BRMS1L: variants seen among roughly 807,000 people sequenced by gnomAD.
The protein encoded by BRMS1L is breast cancer metastasis-suppressor 1-like protein.
Under a neutral mutation model 50.3 loss-of-function variants are expected in BRMS1L, and 23 were observed. That is an observed-to-expected ratio of 0.46 (90% CI 0.33 to 0.65). The LOEUF is 0.65. Among genes scored for constraint, BRMS1L ranks in the 30% least tolerant of loss-of-function variants. The probability of loss-of-function intolerance (pLI) is 0.02; values close to 1 mark genes in which losing one functional copy is unlikely to be tolerated. For missense variants in BRMS1L, 286 were observed against 386.1 expected (o/e 0.74, Z 2.17); for synonymous variants, 114 against 126.9 (o/e 0.90, Z 0.69).
intron 4 of BRMS1L, among the ~76,000 whole-genome samples, chr14:35,850,442 T>C (rs113956942): frequency 0.031 from 4,630 of 150,646 alleles, 191 homozygotes; most frequent in African/African-American, 0.089. Context: ...CCGATCCACC[T>C]GCCTCAGCCT....
At chr14:35,833,178 T>C in intron 3 of BRMS1L, 73 bp downstream of exon 3, 1 of 1,452,186 alleles carries the variant, frequency 6.9e-7, no homozygotes, top group East Asian at 2.5e-5. Flanking sequence ...GTTTATCAAG[T>C]AAGTGTTTTA....
rs941906109 is a variant in BRMS1L, at chr14:35,858,086, A to G, written c.442-4504A>G. Among the ~76,000 whole-genome samples, 6 of 152,056 alleles carry G rather than the reference A, an allele frequency of 3.9e-5. 1 individual carries two copies. The highest frequency in any genetic ancestry group is 5.9e-5 in the Non-Finnish European group (4 of 68,024). On this transcript the variant is annotated intron_variant, in intron 4 of 9. Coordinates refer to ENST00000216807, the MANE Select transcript of BRMS1L (RefSeq NM_032352.4). ...TGAAGATTTAAACTCCTGTCCAGTAAAGGTCAAAACTGCTTCTCGTTTTAA... is the reference window on the plus strand; with the variant it reads ...TGAAGATTTAAACTCCTGTCCAGTAGAGGTCAAAACTGCTTCTCGTTTTAA...
At chr14:35,865,800 G>A in intron 8 of BRMS1L, 39 bp downstream of exon 8, 1 of 1,560,526 alleles carries the variant, frequency 6.4e-7, no homozygotes, top group Non-Finnish European at 8.7e-7. Flanking sequence ...ATTCTCTTTG[G>A]AGACTTGTTG....
rs766246839 is a variant in BRMS1L, at chr14:35,864,988, A to G, written c.676A>G (p.Thr226Ala). The G allele has an allele frequency of 1.3e-6, 2 of 1,575,524 alleles. No homozygotes were observed. Among genetic ancestry groups the G allele is most frequent in the Middle Eastern group, 1.7e-4 (1 of 5,968 alleles). The stretch of plus-strand genomic sequence containing the variant: ...TCTTGATATTCTTGAAGACTGGACA[A>G]CAATTAGGAAGGTATGATTAATGAG... ...QDLDILEDWT[T>A]IRKAMATLGP... Residue 226 changes from threonine to alanine, a missense_variant, in exon 7 of 10, where the codon ACA (threonine) becomes GCA (alanine). Thr to Ala is a moderately conservative substitution (Grantham distance 58). Transcript: ENST00000216807.
chr14:35,831,041 G>C (rs2077913504), intron 1 of BRMS1L, among the ~76,000 whole-genome samples: 1 of 150,800 alleles, frequency 6.6e-6, no homozygotes, highest in African/African-American at 2.4e-5. Flanking sequence ...CCTGGGCTCA[G>C]GCGATCCTCC....
chr14:35,828,203 C>T (rs1480949336), intron 1 of BRMS1L, among the ~76,000 whole-genome samples: 6 of 151,930 alleles, frequency 3.9e-5, no homozygotes, highest in African/African-American at 1.2e-4. Flanking sequence ...GATGGAGTCT[C>T]GCTCTGTTGC....
chr14:35,866,130 C>A (rs2078418013), intron 8 of BRMS1L: 1 of 176,538 alleles, frequency 5.7e-6, no homozygotes, highest in East Asian at 1.6e-4. Context: ...TCTGCATGTG[C>A]ATTTTCTGAG....
intron 9 of BRMS1L, among the ~76,000 whole-genome samples, chr14:35,869,662 A>G (rs1448233241): frequency 6.6e-6 from 1 of 152,104 alleles, no homozygotes; most frequent in Non-Finnish European, 1.5e-5. Context: ...CCTGGCCAAT[A>G]TTGTGAAACC....
At chr14:35,869,670 AC>A (rs1175755304) in intron 9 of BRMS1L, among the ~76,000 whole-genome samples, 1 of 151,880 alleles carries the variant, frequency 6.6e-6, no homozygotes, top group African/African-American at 2.4e-5. Flanking sequence ...ATATTGTGAA[AC>A]CCCGTCTCTA....
chr14:35,865,572 A>G, intron 7 of BRMS1L, 150 bp from the exon 8 acceptor site: 1 of 627,616 alleles, frequency 1.6e-6, no homozygotes, highest in South Asian at 2.1e-5. Flanking sequence ...CTTAGACATT[A>G]AAAATTTGTT....
In BRMS1L at chr14:35,869,373, C is replaced by G. The variant is rs959474994; in HGVS notation, c.855-987C>G. On this transcript the variant is annotated intron_variant, in intron 9 of 9. Coordinates refer to ENST00000216807, the MANE Select transcript of BRMS1L (RefSeq NM_032352.4). ...GTTTGAGACCAGCCCTAGCTGGTCT[C>G]TTTGTAGAGAACCCCATCTCTACAA... Among the ~76,000 whole-genome samples the G allele has an allele frequency of 2.6e-5, 4 of 151,968 alleles. No homozygotes were observed. The South Asian group carries it at 8.3e-4, about 32-fold the overall frequency.
chr14:35,836,413 C>T (rs2077994070), intron 4 of BRMS1L, among the ~76,000 whole-genome samples: 1 of 152,168 alleles, frequency 6.6e-6, no homozygotes, highest in Non-Finnish European at 1.5e-5. Context: ...GATCATGGCT[C>T]ACTGCAGCCT....
intron 4 of BRMS1L, among the ~76,000 whole-genome samples, chr14:35,857,934 G>T (rs1594342335): frequency 7.2e-6 from 1 of 138,756 alleles, no homozygotes; most frequent in South Asian, 2.3e-4. Context: ...AGCTAAACAT[G>T]TACAGTTGTA....
chr14:35,846,970 T>A (rs78498841), intron 4 of BRMS1L, among the ~76,000 whole-genome samples: 9,598 of 150,946 alleles, frequency 0.064, 644 homozygotes, highest in African/African-American at 0.16. Context: ...GCTGTTTTTT[T>A]AAAAAAAAAC....
At chr14:35,831,306 A>G in intron 1 of BRMS1L, 104 bp from the exon 2 acceptor site, 2 of 747,462 alleles carry the variant, frequency 2.7e-6, no homozygotes, top group Non-Finnish European at 2.3e-6. Context: ...TTCTCTTCAT[A>G]TTACAGTTTT....
At position 35,867,991 on chromosome 14, in the gene BRMS1L, A is replaced by T. The variant is rs2078442897; in HGVS notation, c.813A>T (p.Gly271=). 1.9e-6 allele frequency: 3 copies of T among 1,610,438 alleles called. No homozygotes were observed. The African/African-American group carries it at 4.0e-5, about 22-fold the overall frequency. The change falls in exon 9 of 10, where the codon GGA becomes GGT. Residue 271 remains glycine (G), a synonymous_variant. Transcript: ENST00000216807. Reference sequence around the variant, plus strand: ...ATGATGGTGAATGGTATATACGTGGACAAACAATATGTATTGATAAAAAAG... The same window carrying T: ...ATGATGGTGAATGGTATATACGTGGTCAAACAATATGTATTGATAAAAAAG... ...LYYDGEWYIR[G]QTICIDKKDE...
At chr14:35,846,082 A>T (rs2078129787) in intron 4 of BRMS1L, among the ~76,000 whole-genome samples, 1 of 152,172 alleles carries the variant, frequency 6.6e-6, no homozygotes, top group Non-Finnish European at 1.5e-5. Flanking sequence ...TAACCAAAGT[A>T]TAGTCATCAA....
chr14:35,836,939 T>G (rs1349912064), intron 4 of BRMS1L, among the ~76,000 whole-genome samples: 1 of 152,208 alleles, frequency 6.6e-6, no homozygotes, highest in Non-Finnish European at 1.5e-5. Flanking sequence ...GTAGTTCTCC[T>G]TGAAGAGGTC....
At position 35,864,958 on chromosome 14, in the gene BRMS1L, C is replaced by A; in HGVS notation, c.646C>A (p.Gln216Lys). ...VSGPYIVYMLQDLDILEDWTT... is the reference protein window; with the variant it reads ...VSGPYIVYMLKDLDILEDWTT... ...ACGTCCATATATAGTTTATATGCTA[C>A]AAGATCTTGATATTCTTGAAGACTG... Residue 216 changes from glutamine (Q) to lysine (K), a missense_variant, in exon 7 of 10, where the codon CAA (glutamine) becomes AAA (lysine). This residue lies in a region of BRMS1L where 160 missense variants were observed against 240.6 expected (regional missense o/e 0.66). Coordinates refer to ENST00000216807, the MANE Select transcript of BRMS1L (RefSeq NM_032352.4). 1 of 1,584,238 alleles carries A rather than the reference C, an allele frequency of 6.3e-7. No individual in the cohort carries two copies. Among genetic ancestry groups the A allele is most frequent in the Non-Finnish European group, 8.6e-7 (1 of 1,167,906 alleles).
Sources: gnomAD v4.1 joint callset for allele counts (sites outside exome capture counted in the v4.1 genomes callset) on GRCh38, gnomAD v4.1.1 for gene constraint, gnomAD v4.1.1 regional missense constraint, MANE v1.5 for transcripts, NCBI Gene and HGNC (gene_info 2026-07-23, HGNC 2026-07-21) for gene names.